CHST15: variants seen among roughly 807,000 people sequenced by gnomAD.
CHST15 encodes B cell RAG associated protein (GALNAC4S-6ST).
CHST15 carries 30 observed loss-of-function variants against 53.6 expected under a neutral mutation model. That is an observed-to-expected ratio of 0.56 (90% CI 0.42 to 0.76). The LOEUF (loss-of-function observed/expected upper bound fraction) is 0.76. CHST15 is among the 30% of genes least tolerant of loss of function. CHST15 has a pLI of 0.00. For missense variants in CHST15, 627 were observed against 740.5 expected, an observed-to-expected ratio of 0.85 and a Z score of 1.78; for synonymous variants, 296 against 289.8, an observed-to-expected ratio of 1.02 and a Z score of -0.22.
In CHST15 at chr10:124,074,314, C is replaced by G. The variant is rs572369983; in HGVS notation, c.-513+19155G>C. Among the ~76,000 whole-genome samples the G allele has an allele frequency of 2.0e-5, 3 of 152,264 alleles. No homozygotes were observed. Among genetic ancestry groups the G allele is most frequent in the East Asian group, 3.9e-4 (2 of 5,170 alleles). ...AATTTCTCAAATCTCTCAGTAGAGA[C>G]AGAAAATCAGCAAGTCCCTGGAACC... On this transcript the variant is annotated intron_variant, in intron 1 of 7. Coordinates refer to ENST00000435907, the MANE Select transcript of CHST15 (RefSeq NM_001270764.2). This position sits in a 1 kb window ranked among gnomAD's most constrained non-coding sequence, Gnocchi z 4.4.
rs1401986242 is a variant in CHST15, at chr10:124,036,486, G to A, written c.1190+2029C>T. ...CTCAGAGCGCTGGGGCTGAGGGAGG[G>A]CAGATCCAGCCTCTCCCTGACCAGG... On this transcript the variant is annotated intron_variant, in intron 5 of 7. Transcript: ENST00000435907. This position sits in a 1 kb window ranked among gnomAD's most constrained non-coding sequence, Gnocchi z 5.1. 6.6e-6 allele frequency among the ~76,000 whole-genome samples: 1 copy of A among 152,032 alleles called. No individual in the cohort carries two copies. The highest frequency in any genetic ancestry group is 6.6e-5 in the Admixed American group (1 of 15,262).
At chr10:124,017,707 T>A (rs1228995312) in intron 6 of CHST15, among the ~76,000 whole-genome samples, 2 of 152,132 alleles carry the variant, frequency 1.3e-5, no homozygotes, top group African/African-American at 2.4e-5. Flanking sequence ...AGGCCTAGAT[T>A]TGGGTCCTAG....
chr10:124,090,801 C>T (rs1363160228), intron 1 of CHST15, among the ~76,000 whole-genome samples: 1 of 152,224 alleles, frequency 6.6e-6, no homozygotes, highest in Admixed American at 6.5e-5. Flanking sequence ...AAGCAAGGCA[C>T]ACATGTGACC....
Position 124,007,919 on chromosome 10 carries a change from CCTATT to C in CHST15, c.*2225_*2229del. The C allele has an allele frequency of 8.1e-7, 1 of 1,232,012 alleles. No individual in the cohort carries two copies. The highest frequency in any genetic ancestry group is 1.0e-6 in the Non-Finnish European group (1 of 987,956). 76.3% of individuals were successfully genotyped at this position (1,232,012 alleles called of 1,614,324 possible). On this transcript the variant is annotated 3_prime_UTR_variant, in exon 8 of 8. Coordinates refer to ENST00000435907, the MANE Select transcript of CHST15 (RefSeq NM_001270764.2). ...TCGAGAACCACCGCCCAGAACGGAA[CCTATT>C]CTGTCAGCAAGAGCCGGGCCTCGAA...
Position 124,046,568 on chromosome 10 carries a change from C to T in CHST15, c.-356G>A. On this transcript the variant is annotated 5_prime_UTR_variant, in exon 2 of 8. Transcript: ENST00000435907. ...GAATTCTCACTGGGGAATGTGGAAA[C>T]ACACAGAAAATTAAAAGAAATCATG... The T allele has an allele frequency of 4.9e-6, 1 of 202,284 alleles. No individual in the cohort carries two copies. Among genetic ancestry groups the T allele is most frequent in the Non-Finnish European group, 9.8e-6 (1 of 101,646 alleles). The allele number at this position is 202,284 out of a possible 1,614,324, so 12.5% of individuals were successfully genotyped here. A position where few individuals can be genotyped will look rare whatever the true frequency, so the allele number is the denominator to read the frequency against.
chr10:124,060,167 C>A (rs918600536), intron 1 of CHST15, among the ~76,000 whole-genome samples: 1 of 150,426 alleles, frequency 6.6e-6, no homozygotes, highest in Non-Finnish European at 1.5e-5. Flanking sequence ...GGTGTGCCAG[C>A]ACCCATGCAG....
intron 3 of CHST15, among the ~76,000 whole-genome samples, chr10:124,044,322 G>A (rs766448476): frequency 6.6e-6 from 1 of 152,172 alleles, no homozygotes. Flanking sequence ...TCATGTGCCC[G>A]GGCTTTCGGA....
chr10:124,082,381 C>T (rs1392033798), intron 1 of CHST15, among the ~76,000 whole-genome samples: 1 of 152,194 alleles, frequency 6.6e-6, no homozygotes, highest in Admixed American at 6.5e-5. Context: ...TAAAAAGGGG[C>T]TGAACCACGT....
chr10:124,068,121 C>G (rs1208762309), intron 1 of CHST15, among the ~76,000 whole-genome samples: 3 of 152,134 alleles, frequency 2.0e-5, no homozygotes, highest in African/African-American at 7.2e-5. Flanking sequence ...ATAGCTGGCT[C>G]GAGCTCTCAC....
intron 1 of CHST15, among the ~76,000 whole-genome samples, chr10:124,053,427 G>A (rs1948269544): frequency 6.6e-6 from 1 of 152,182 alleles, no homozygotes; most frequent in Non-Finnish European, 1.5e-5. Flanking sequence ...ACCCAGAGCA[G>A]CCAATACCCG....
rs577814954 is a variant in CHST15 at position 124,064,202 on chromosome 10, T to TA, written c.-512-17479dup. On this transcript the variant is annotated intron_variant, in intron 1 of 7. Coordinates refer to ENST00000435907, the MANE Select transcript of CHST15 (RefSeq NM_001270764.2). Reference sequence around the variant, plus strand: ...GAAATCTCAAAAAAAAAAATAGACTTACGAAAAGTCATTGTAGCTGACTGG... The same window carrying TA: ...GAAATCTCAAAAAAAAAAATAGACTTAACGAAAAGTCATTGTAGCTGACTGG... 3.4e-3 allele frequency among the ~76,000 whole-genome samples: 517 copies of TA among 152,282 alleles called. 6 individuals carry two copies. The highest frequency in any genetic ancestry group is 3.4e-3 in the Middle Eastern group (1 of 294).
chr10:124,038,848 C>T (rs551929710), intron 4 of CHST15, among the ~76,000 whole-genome samples, 177 bp from the exon 5 acceptor site: 7 of 151,742 alleles, frequency 4.6e-5, no homozygotes, highest in Non-Finnish European at 7.4e-5. Flanking sequence ...GGATGCCCCC[C>T]CCTGCCACAG....
rs1379092838 is a variant in CHST15 at position 124,036,652 on chromosome 10, A to G, written c.1190+1863T>C. Among the ~76,000 whole-genome samples the G allele has an allele frequency of 6.9e-6, 1 of 145,732 alleles. No homozygotes were observed. The highest frequency in any genetic ancestry group is 2.7e-5 in the African/African-American group (1 of 37,438). On this transcript the variant is annotated intron_variant, in intron 5 of 7. Coordinates refer to ENST00000435907, the MANE Select transcript of CHST15 (RefSeq NM_001270764.2). The surrounding 1 kb of genome is among the most constrained non-coding windows in gnomAD (Gnocchi z 5.1). ...AAGCAGGACATAAGACTGTCCTGTC[A>G]CACCCATGTGCACACACACACACAC...
intron 6 of CHST15, chr10:124,020,935 G>A (rs1048849508): frequency 4.2e-5 from 58 of 1,383,920 alleles, no homozygotes; most frequent in African/African-American, 3.9e-4. Flanking sequence ...TTGAGAGTTG[G>A]GTGTCCTCAT....
Position 124,075,953 on chromosome 10 carries a change from G to A in CHST15, c.-513+17516C>T, listed in dbSNP as rs115931413. On this transcript the variant is annotated intron_variant, in intron 1 of 7. Coordinates refer to ENST00000435907, the MANE Select transcript of CHST15 (RefSeq NM_001270764.2). ...TCAACTTTGCAAGGTGGCATTCTCC[G>A]GGATCCAGAATGACAAGGATGACCT... Among the ~76,000 whole-genome samples the A allele has an allele frequency of 4.0e-3, 606 of 152,282 alleles. 2 individuals carry two copies. Among genetic ancestry groups the A allele is most frequent in the African/African-American group, 0.013 (548 of 41,542 alleles).
chr10:124,072,166 C>A (rs1248861558), intron 1 of CHST15, among the ~76,000 whole-genome samples: 1 of 152,216 alleles, frequency 6.6e-6, no homozygotes, highest in Non-Finnish European at 1.5e-5. Flanking sequence ...CGGGCAATAA[C>A]CCGGGCACAG....
At chr10:124,013,291 C>G (rs1214916526) in intron 6 of CHST15, among the ~76,000 whole-genome samples, 1 of 152,174 alleles carries the variant, frequency 6.6e-6, no homozygotes, top group Non-Finnish European at 1.5e-5. Context: ...TCTGGTAGGA[C>G]TGGAGACTAA....
At chr10:124,020,989 T>C (rs943276972) in intron 6 of CHST15, 73 of 1,411,608 alleles carry the variant, frequency 5.2e-5, no homozygotes, top group Non-Finnish European at 6.3e-5. Flanking sequence ...AATGGTAATC[T>C]TCCTAAAGGC....
chr10:124,052,733 G>C (rs7083086), intron 1 of CHST15, among the ~76,000 whole-genome samples: 4,270 of 152,252 alleles, frequency 0.028, 194 homozygotes, highest in African/African-American at 0.098. Context: ...CATGTAAGGT[G>C]CTTAAAAGAG....
Sources: allele counts gnomAD v4.1 joint callset (sites outside exome capture counted in the v4.1 genomes callset), GRCh38; gene constraint gnomAD v4.1.1; non-coding constraint Gnocchi (gnomAD v3.1); transcripts MANE v1.5; gene names NCBI Gene and HGNC (gene_info 2026-07-23, HGNC 2026-07-21).